The following RHOG variants were observed in gnomAD, a reference collection of about 807,000 sequenced individuals.
RHOG encodes ras homolog family member G, also known as rho-related GTP-binding protein RhoG.
Under a neutral mutation model 12.3 loss-of-function variants are expected in RHOG, and 1 was observed. That is an observed-to-expected ratio of 0.08 (90% CI 0.03 to 0.39). RHOG has a LOEUF of 0.39. RHOG is among the 10% of genes least tolerant of loss of function. The probability of loss-of-function intolerance (pLI) is 0.99; values close to 1 mark genes in which losing one functional copy is unlikely to be tolerated. For synonymous variants in RHOG, 129 were observed against 116.0 expected (o/e 1.11, Z -0.72); for missense variants, 114 against 266.2 (o/e 0.43, Z 3.98).
At position 3,827,717 on chromosome 11, in the gene RHOG, T is replaced by C. The variant is rs1456489348; in HGVS notation, c.422A>G (p.Gln141Arg). 4 of 1,614,112 alleles carry C rather than the reference T, an allele frequency of 2.5e-6. No homozygotes were observed. Among genetic ancestry groups the C allele is most frequent in the Non-Finnish European group, 2.5e-6 (3 of 1,180,020 alleles). Residue 141 changes from glutamine to arginine, a missense_variant, in exon 2 of 2, where the codon CAG becomes CGG. This residue lies in a region of RHOG where 61 missense variants were observed against 101.4 expected (regional missense o/e 0.60). Transcript: ENST00000351018. The surrounding 1 kb of genome is among the most constrained non-coding windows in gnomAD (Gnocchi z 7.3). The stretch of plus-strand genomic sequence containing the variant: ...GATCTGCTTGGCCAGTGCCTGGCCC[T>C]GCTGCGGTGTGATGGGCGCCTGGCC... ...EQGQAPITPQ[Q>R]GQALAKQIHA...
chr11:3,835,771 A>C (rs1451526692), intron 1 of RHOG, among the ~76,000 whole-genome samples: 1 of 152,248 alleles, frequency 6.6e-6, no homozygotes, highest in Non-Finnish European at 1.5e-5. Context: ...GGAATATCCG[A>C]GGACCCTTGG....
At chr11:3,839,483 CG>C (rs2090176914) in intron 1 of RHOG, among the ~76,000 whole-genome samples, 4 of 104,778 alleles carry the variant, frequency 3.8e-5, no homozygotes, top group South Asian at 3.4e-4. Flanking sequence ...CACGCGCGCG[CG>C]AACACACACA....
chr11:3,831,793 C>G (rs1464487830), intron 1 of RHOG, among the ~76,000 whole-genome samples: 4 of 152,178 alleles, frequency 2.6e-5, no homozygotes, highest in African/African-American at 4.8e-5. Flanking sequence ...GGCCTGTAAT[C>G]TTCAGTTCCA....
Position 3,827,447 on chromosome 11 carries a change from A to T in RHOG, c.*116T>A, listed in dbSNP as rs925858589. On this transcript the variant is annotated 3_prime_UTR_variant, in exon 2 of 2. Transcript: ENST00000351018. This position sits in a 1 kb window ranked among gnomAD's most constrained non-coding sequence, Gnocchi z 7.3. ...CACTCAGAGAAAAAGGCATTCAGGG[A>T]ACCCCCTGGAAAGGGGTGCCAGAAT... 8 of 800,072 alleles carry T rather than the reference A, an allele frequency of 1.0e-5. No individual in the cohort carries two copies. Among genetic ancestry groups the T allele is most frequent in the Non-Finnish European group, 1.2e-5 (6 of 510,536 alleles). 49.6% of individuals were successfully genotyped at this position (800,072 alleles called of 1,614,324 possible).
chr11:3,832,362 C>T (rs1018344860), intron 1 of RHOG, among the ~76,000 whole-genome samples: 1 of 152,172 alleles, frequency 6.6e-6, no homozygotes, highest in African/African-American at 2.4e-5. Flanking sequence ...CCTGTGTTTT[C>T]CTTGGTGCAT....
intron 1 of RHOG, among the ~76,000 whole-genome samples, chr11:3,840,246 C>G (rs1192777739): frequency 6.6e-6 from 1 of 152,146 alleles, no homozygotes; most frequent in Non-Finnish European, 1.5e-5. Context: ...ACAGCGTCTG[C>G]TCACTAAATA....
chr11:3,835,744 C>T lies in RHOG; in HGVS notation c.-69+5150G>A, dbSNP rs114721964. On this transcript the variant is annotated intron_variant, in intron 1 of 1. Coordinates refer to ENST00000351018, the MANE Select transcript of RHOG (RefSeq NM_001665.4). ...GGAAGATGGGAAGGAAAAGTGGTCC[C>T]GACAGGCTACAGACTGGGAATATCC... 5.2e-3 allele frequency among the ~76,000 whole-genome samples: 792 copies of T among 152,224 alleles called. 3 individuals carry two copies. Among genetic ancestry groups the T allele is most frequent in the African/African-American group, 0.018 (735 of 41,532 alleles).
rs2090097745 is a variant in RHOG at position 3,828,167 on chromosome 11, G to C, written c.-29C>G. ...GGGTGCAGTTGCTGTAGTGGAGGCA[G>C]TGCCTCCTCTCTCTTCTGGACCCCT... On this transcript the variant is annotated 5_prime_UTR_variant, in exon 2 of 2. Transcript: ENST00000351018. The C allele has an allele frequency of 1.9e-6, 3 of 1,575,076 alleles. No homozygotes were observed. The highest frequency in any genetic ancestry group is 1.3e-5 in the African/African-American group (1 of 74,302).
chr11:3,833,441 A>G (rs1229018284), intron 1 of RHOG, among the ~76,000 whole-genome samples: 1 of 152,168 alleles, frequency 6.6e-6, no homozygotes, highest in Non-Finnish European at 1.5e-5. Context: ...TTATTAGACA[A>G]ATTACAATGA....
chr11:3,833,039 G>T (rs540046194), intron 1 of RHOG, among the ~76,000 whole-genome samples: 1 of 151,586 alleles, frequency 6.6e-6, no homozygotes, highest in African/African-American at 2.4e-5. Context: ...GAGCAACACA[G>T]CAAGACCCCA....
At position 3,834,476 on chromosome 11, in the gene RHOG, C is replaced by T. The variant is rs140281320; in HGVS notation, c.-68-6270G>A. Among the ~76,000 whole-genome samples, 17 of 152,348 alleles carry T rather than the reference C, an allele frequency of 1.1e-4. No individual in the cohort carries two copies. The East Asian group carries it at 1.7e-3, about 16-fold the overall frequency. On this transcript the variant is annotated intron_variant, in intron 1 of 1. Coordinates refer to ENST00000351018, the MANE Select transcript of RHOG (RefSeq NM_001665.4). Reference sequence around the variant, plus strand: ...AGCCCAGTATCGGACACTCCCTGCCCACCCCCCAACAGACAAGACTGCAAT... The same window carrying T: ...AGCCCAGTATCGGACACTCCCTGCCTACCCCCCAACAGACAAGACTGCAAT...
chr11:3,832,866 T>G lies in RHOG; in HGVS notation c.-68-4660A>C, dbSNP rs114984524. Among the ~76,000 whole-genome samples, 609 of 152,242 alleles carry G rather than the reference T, an allele frequency of 4.0e-3. 2 individuals carry two copies. The highest frequency in any genetic ancestry group is 0.013 in the African/African-American group (556 of 41,544). On this transcript the variant is annotated intron_variant, in intron 1 of 1. Transcript: ENST00000351018. ...ACCTATCTGGAGCGGGGTTCAACAATGACTTATTCACTAAGTGGCTTTTTC... is the reference window on the plus strand; with the variant it reads ...ACCTATCTGGAGCGGGGTTCAACAAGGACTTATTCACTAAGTGGCTTTTTC...
rs146845176 is a variant in RHOG at position 3,834,593 on chromosome 11, G to A, written c.-69+6301C>T. The stretch of plus-strand genomic sequence containing the variant: ...CCAGTACCAGGCTGACCTGGCTCCG[G>A]CAGGAAGTATAGCCCATGGGGGTCT... On this transcript the variant is annotated intron_variant, in intron 1 of 1. Transcript: ENST00000351018. Among the ~76,000 whole-genome samples, 11 of 152,350 alleles carry A rather than the reference G, an allele frequency of 7.2e-5. No homozygotes were observed. In the East Asian group the frequency reaches 1.9e-3, roughly 27 times the overall value.
At chr11:3,834,351 A>C (rs970532708) in intron 1 of RHOG, among the ~76,000 whole-genome samples, 6 of 152,200 alleles carry the variant, frequency 3.9e-5, no homozygotes, top group South Asian at 4.1e-4. Context: ...ACAAAAAAAA[A>C]CCTCTAAGTA....
chr11:3,834,088 A>C (rs2090144085), intron 1 of RHOG, among the ~76,000 whole-genome samples: 1 of 152,008 alleles, frequency 6.6e-6, no homozygotes, highest in African/African-American at 2.4e-5. Flanking sequence ...ATGCCCAGCT[A>C]ATTTTTGTAT....
chr11:3,837,540 T>C (rs1411399550), intron 1 of RHOG, among the ~76,000 whole-genome samples: 3 of 152,150 alleles, frequency 2.0e-5, no homozygotes, highest in African/African-American at 7.2e-5. Context: ...GTCAGAGCCA[T>C]GATGTTCACT....
intron 1 of RHOG, among the ~76,000 whole-genome samples, chr11:3,836,053 A>T (rs1239313556): frequency 1.7e-4 from 4 of 23,978 alleles, no homozygotes; most frequent in South Asian, 1.5e-3. Context: ...TCCTAGCCTT[A>T]AAAAAAAAAA....
In RHOG at chr11:3,827,560, G is replaced by C. The variant is rs1398886064; in HGVS notation, c.*3C>G. On this transcript the variant is annotated 3_prime_UTR_variant, in exon 2 of 2. Transcript: ENST00000351018. The surrounding 1 kb of genome is among the most constrained non-coding windows in gnomAD (Gnocchi z 7.3). ...GGGGCAGCCTCCAAGCCAAGTGCCA[G>C]GGTCACAAGAGGATGCAGGACCGCC... 1.9e-6 allele frequency: 3 copies of C among 1,597,618 alleles called. No individual in the cohort carries two copies. Among genetic ancestry groups the C allele is most frequent in the Non-Finnish European group, 2.6e-6 (3 of 1,174,882 alleles).
chr11:3,835,433 A>G (rs2090150756), intron 1 of RHOG, among the ~76,000 whole-genome samples: 1 of 151,908 alleles, frequency 6.6e-6, no homozygotes, highest in Non-Finnish European at 1.5e-5. Flanking sequence ...TGGATGCTTC[A>G]GGGGGAGGGT....
Sources: allele counts gnomAD v4.1 joint callset (sites outside exome capture counted in the v4.1 genomes callset), GRCh38; gene constraint gnomAD v4.1.1; regional missense constraint gnomAD v4.1.1; non-coding constraint Gnocchi (gnomAD v3.1); transcripts MANE v1.5; gene names NCBI Gene and HGNC (gene_info 2026-07-23, HGNC 2026-07-21).